The following PLPPR1 variants were observed in gnomAD, a reference collection of about 807,000 sequenced individuals.
PLPPR1 encodes the protein phospholipid phosphatase-related protein type 1.
PLPPR1 carries 10 observed loss-of-function variants against 33.1 expected under a neutral mutation model. The ratio of observed to expected loss-of-function variants is 0.30; its 90% CI spans 0.19 to 0.51. The LOEUF (loss-of-function observed/expected upper bound fraction) is 0.51, where lower values mean the gene tolerates loss of function less well. Ranked by LOEUF, PLPPR1 falls within the 20% of genes least tolerant of loss-of-function variation. The pLI is 0.97. For missense variants in PLPPR1, 304 were observed against 408.1 expected, an observed-to-expected ratio of 0.74 and a Z score of 2.20; for synonymous variants, 151 against 151.0, an observed-to-expected ratio of 1.00 and a Z score of 0.00.
rs562768776 is a variant in PLPPR1 at position 101,244,438 on chromosome 9, AT to A, written c.64-25431del. ...ATTAGTTGACAGCTGAGAATGAATA[AT>A]TTTTTTTTTTGGTATTTCTGTTAAG... On this transcript the variant is annotated intron_variant, in intron 2 of 7. Coordinates refer to ENST00000374874, the MANE Select transcript of PLPPR1 (RefSeq NM_207299.2). 8.6e-4 allele frequency among the ~76,000 whole-genome samples: 128 copies of A among 148,056 alleles called. 1 individual carries two copies. The highest frequency in any genetic ancestry group is 2.1e-3 in the African/African-American group (86 of 40,722).
chr9:101,087,191 A>AT (rs1564140938), intron 1 of PLPPR1, among the ~76,000 whole-genome samples: 10 of 150,638 alleles, frequency 6.6e-5, no homozygotes, highest in African/African-American at 7.4e-5. Context: ...CAAAAAAAAA[A>AT]AAATAAAATA....
intron 1 of PLPPR1, among the ~76,000 whole-genome samples, chr9:101,120,256 G>A (rs1225907791): frequency 6.6e-6 from 1 of 152,124 alleles, no homozygotes; most frequent in African/African-American, 2.4e-5. Flanking sequence ...CTAGCCAATG[G>A]AATCCGTTGT....
chr9:101,137,273 G>T (rs1331293775), intron 1 of PLPPR1, among the ~76,000 whole-genome samples: 2 of 152,182 alleles, frequency 1.3e-5, no homozygotes, highest in Non-Finnish European at 1.5e-5. Context: ...ATATGTAAAG[G>T]CAAGAGAAGC....
intron 2 of PLPPR1, among the ~76,000 whole-genome samples, chr9:101,197,162 C>T (rs1826412238): frequency 6.6e-6 from 1 of 152,166 alleles, no homozygotes; most frequent in Non-Finnish European, 1.5e-5. Context: ...AGAGAACTAG[C>T]CACCTTTTTC....
chr9:101,160,074 C>A (rs1366271946), intron 1 of PLPPR1, among the ~76,000 whole-genome samples: 1 of 151,894 alleles, frequency 6.6e-6, no homozygotes, highest in African/African-American at 2.4e-5. Flanking sequence ...AAGGCCTCTT[C>A]AAAACCCATT....
chr9:101,210,908 C>T (rs1165150912), intron 2 of PLPPR1, among the ~76,000 whole-genome samples: 3 of 152,164 alleles, frequency 2.0e-5, no homozygotes, highest in Non-Finnish European at 2.9e-5. Context: ...GCTGGGACTA[C>T]AGGCGCCTGC....
intron 2 of PLPPR1, among the ~76,000 whole-genome samples, chr9:101,262,218 T>C (rs1588100816): frequency 6.6e-6 from 1 of 152,220 alleles, no homozygotes. Flanking sequence ...CATGATAATC[T>C]GAAGCATTAG....
intron 6 of PLPPR1, among the ~76,000 whole-genome samples, 156 bp downstream of exon 6, chr9:101,313,130 A>C (rs778483727): frequency 2.0e-5 from 3 of 152,150 alleles, no homozygotes; most frequent in Non-Finnish European, 4.4e-5. Context: ...TGCTACAAAA[A>C]TGATTTCAAA....
intron 2 of PLPPR1, chr9:101,269,670 C>T (rs948076760): frequency 1.0e-5 from 6 of 596,942 alleles, no homozygotes; most frequent in South Asian, 2.0e-5. Flanking sequence ...GGGAGCTGCT[C>T]ATTATTTGCT....
intron 4 of PLPPR1, among the ~76,000 whole-genome samples, chr9:101,299,037 T>G (rs1327466666): frequency 2.0e-5 from 3 of 152,196 alleles, no homozygotes; most frequent in Non-Finnish European, 4.4e-5. Flanking sequence ...CCAGGTAGTC[T>G]AAAGATAAGT....
chr9:101,284,438 G>A (rs1454120961), intron 3 of PLPPR1, among the ~76,000 whole-genome samples: 1 of 152,086 alleles, frequency 6.6e-6, no homozygotes, highest in East Asian at 1.9e-4. Context: ...AAGTTCAAGA[G>A]ATCTATTACA....
At chr9:101,190,150 G>A (rs1826271176) in intron 2 of PLPPR1, among the ~76,000 whole-genome samples, 1 of 152,062 alleles carries the variant, frequency 6.6e-6, no homozygotes, top group African/African-American at 2.4e-5. Flanking sequence ...TTTCCTTGTA[G>A]TCTTCCTATA....
chr9:101,307,908 A>G (rs1254390922), intron 4 of PLPPR1, among the ~76,000 whole-genome samples: 1 of 152,206 alleles, frequency 6.6e-6, no homozygotes, highest in Non-Finnish European at 1.5e-5. Context: ...TTATAGCTCT[A>G]CACAGCCTTT....
chr9:101,301,198 A>G (rs141176919), intron 4 of PLPPR1, among the ~76,000 whole-genome samples: 1 of 152,348 alleles, frequency 6.6e-6, no homozygotes, highest in African/African-American at 2.4e-5. Flanking sequence ...CTAAACCACC[A>G]GCTTATCGCA....
At chr9:101,034,688 C>A (rs927765706) in intron 1 of PLPPR1, among the ~76,000 whole-genome samples, 1 of 151,970 alleles carries the variant, frequency 6.6e-6, no homozygotes, top group Non-Finnish European at 1.5e-5. Flanking sequence ...TTGTAAAGGT[C>A]GGACAGAGTA....
chr9:101,069,817 A>G (rs1830461836), intron 1 of PLPPR1, among the ~76,000 whole-genome samples: 1 of 152,088 alleles, frequency 6.6e-6, no homozygotes, highest in African/African-American at 2.4e-5. Context: ...GGTGATTTGT[A>G]TGCACACTAC....
At chr9:101,106,616 A>C (rs1243873376) in intron 1 of PLPPR1, among the ~76,000 whole-genome samples, 1 of 75,706 alleles carries the variant, frequency 1.3e-5, no homozygotes, top group Admixed American at 1.4e-4. Context: ...TGAATCTGAC[A>C]ATTATGTGTC....
chr9:101,216,289 C>G (rs1227614055), intron 2 of PLPPR1, among the ~76,000 whole-genome samples: 1 of 152,090 alleles, frequency 6.6e-6, no homozygotes, highest in Non-Finnish European at 1.5e-5. Context: ...ATGCTGAACA[C>G]TTTTAAAATG....
At chr9:101,184,635 A>C (rs1826173279) in intron 1 of PLPPR1, among the ~76,000 whole-genome samples, 1 of 152,008 alleles carries the variant, frequency 6.6e-6, no homozygotes, top group African/African-American at 2.4e-5. Context: ...CTGGACTGGA[A>C]ATTTCATTAA....
Sources: gnomAD v4.1 joint callset for allele counts (sites outside exome capture counted in the v4.1 genomes callset) on GRCh38, gnomAD v4.1.1 for gene constraint, MANE v1.5 for transcripts, NCBI Gene and HGNC (gene_info 2026-07-23, HGNC 2026-07-21) for gene names.